Variants in PLAA observed in about 807,000 individuals in gnomAD.
PLAA encodes the protein phospholipase A-2-activating protein.
PLAA carries 48 observed loss-of-function variants against 84.1 expected under a neutral mutation model. The observed-to-expected ratio is 0.57, with a 90% CI of 0.45 to 0.73. PLAA has a LOEUF of 0.73. Ranked by LOEUF, PLAA falls within the 30% of genes least tolerant of loss-of-function variation. The pLI is 0.00. For synonymous variants in PLAA, 392 were observed against 336.6 expected, an observed-to-expected ratio of 1.16 and a Z score of -1.80; for missense variants, 903 against 954.7, an observed-to-expected ratio of 0.95 and a Z score of 0.71.
rs925961090 is a variant in PLAA, at chr9:26,906,079, A to G, written c.1823-3T>C. The G allele has an allele frequency of 2.1e-6, 3 of 1,458,846 alleles. No individual in the cohort carries two copies. The highest frequency in any genetic ancestry group is 1.4e-5 in the African/African-American group (1 of 70,288). 90.4% of individuals were successfully genotyped at this position (1,458,846 alleles called of 1,614,324 possible). On this transcript the variant is annotated splice_polypyrimidine_tract_variant and splice_region_variant and intron_variant, in intron 13 of 13. Coordinates refer to ENST00000397292, the MANE Select transcript of PLAA (RefSeq NM_001031689.3). Reference sequence around the variant, plus strand: ...GTCAAGTGCAGGAAAGACAATATCTATTAAAAAAAAAAAGTCATTAATGCT... The same window carrying G: ...GTCAAGTGCAGGAAAGACAATATCTGTTAAAAAAAAAAAGTCATTAATGCT...
chr9:26,933,278 AC>A (rs997882108), intron 2 of PLAA, among the ~76,000 whole-genome samples: 1 of 147,160 alleles, frequency 6.8e-6, no homozygotes, highest in Admixed American at 6.8e-5. Context: ...AAAAAAAAAA[AC>A]CATAAAAAAG....
intron 2 of PLAA, among the ~76,000 whole-genome samples, chr9:26,933,728 G>A (rs1825262793): frequency 6.8e-6 from 1 of 146,112 alleles, no homozygotes; most frequent in African/African-American, 2.5e-5. Context: ...GGCAGAGCTT[G>A]CAGTGAGCCG....
chr9:26,946,264 T>C (rs564179287), intron 1 of PLAA, among the ~76,000 whole-genome samples: 2 of 150,962 alleles, frequency 1.3e-5, no homozygotes, highest in East Asian at 3.9e-4. Context: ...TCCTAACCTT[T>C]TTCTTCTTTT....
intron 2 of PLAA, among the ~76,000 whole-genome samples, chr9:26,929,091 T>G (rs372431302): frequency 2.0e-5 from 3 of 151,948 alleles, no homozygotes; most frequent in Non-Finnish European, 4.4e-5. Flanking sequence ...CCCAGCTACT[T>G]GGAAGGCTGA....
Position 26,905,505 on chromosome 9 carries a change from C to T in PLAA, c.*6G>A, listed in dbSNP as rs1824199547. The T allele has an allele frequency of 2.5e-6, 4 of 1,591,446 alleles. No homozygotes were observed. The South Asian group carries it at 3.4e-5, about 14-fold the overall frequency. On this transcript the variant is annotated 3_prime_UTR_variant, in exon 14 of 14. Transcript: ENST00000397292. The stretch of plus-strand genomic sequence containing the variant: ...AATTAAAAATATCCGTCCCTCTTCC[C>T]CACTGCTACAGCAAATTTAGGATAA...
intron 1 of PLAA, among the ~76,000 whole-genome samples, chr9:26,944,043 T>C (rs572906446): frequency 6.6e-6 from 1 of 152,292 alleles, no homozygotes; most frequent in Admixed American, 6.5e-5. Context: ...AATGCAACCA[T>C]GTTGAGAAGT....
At chr9:26,912,486 C>T (rs767655440) in intron 11 of PLAA, among the ~76,000 whole-genome samples, 7 of 152,082 alleles carry the variant, frequency 4.6e-5, no homozygotes, top group Admixed American at 6.6e-5. Flanking sequence ...TATGGATCAT[C>T]GAGAGACCAA....
rs552917067 is a variant in PLAA, at chr9:26,917,988, C to T, written c.1418-823G>A. ...ACAATCTGTGTTCACTCTTGAACTA[C>T]AGTCTGAAATTCCAACAACAAAAAT... On this transcript the variant is annotated intron_variant, in intron 9 of 13. Transcript: ENST00000397292. 9.8e-5 allele frequency among the ~76,000 whole-genome samples: 15 copies of T among 152,328 alleles called. 1 individual carries two copies. In the South Asian group the frequency reaches 2.9e-3, roughly 29 times the overall value.
intron 1 of PLAA, among the ~76,000 whole-genome samples, chr9:26,939,503 A>C (rs911578739): frequency 2.7e-5 from 4 of 148,400 alleles, no homozygotes; most frequent in African/African-American, 7.5e-5. Flanking sequence ...AAAAAAAAAA[A>C]ACCAAACAAA....
At chr9:26,921,040 C>T (rs1156987106) in intron 7 of PLAA, among the ~76,000 whole-genome samples, 1 of 152,008 alleles carries the variant, frequency 6.6e-6, no homozygotes, top group Non-Finnish European at 1.5e-5. Context: ...TGGTAAAAGC[C>T]TAAACTCTTG....
chr9:26,937,164 G>C (rs952709740), intron 1 of PLAA, among the ~76,000 whole-genome samples: 4 of 151,954 alleles, frequency 2.6e-5, no homozygotes, highest in African/African-American at 7.2e-5. Flanking sequence ...AAAAAAGGCT[G>C]ATGTCCATTC....
chr9:26,921,808 T>C (rs913489978), intron 7 of PLAA, among the ~76,000 whole-genome samples: 3 of 152,224 alleles, frequency 2.0e-5, no homozygotes, highest in East Asian at 1.9e-4. Flanking sequence ...CAGTTTATTA[T>C]TCAATATTAA....
chr9:26,906,649 A>G (rs1824246444), intron 13 of PLAA, among the ~76,000 whole-genome samples: 1 of 151,982 alleles, frequency 6.6e-6, no homozygotes, highest in Non-Finnish European at 1.5e-5. Context: ...GCTGGTCTCA[A>G]ACTCCTGACT....
chr9:26,906,131 A>T, intron 13 of PLAA, 55 bp from the exon 14 acceptor site: 1 of 1,178,282 alleles, frequency 8.5e-7, no homozygotes. Flanking sequence ...ATTTCTTTTG[A>T]CTATCGACTT....
At position 26,928,295 on chromosome 9, in the gene PLAA, A is replaced by G; in HGVS notation, c.444+13T>C. ...TAATTATTCTTTAGAATATTTACAC[A>G]GAACTACTGTACCTGCAAGGTCATC... is the stretch of plus-strand genomic sequence containing the variant. On this transcript the variant is annotated intron_variant, in intron 3 of 13. Coordinates refer to ENST00000397292, the MANE Select transcript of PLAA (RefSeq NM_001031689.3). 6.2e-7 allele frequency: 1 copy of G among 1,613,576 alleles called. No homozygotes were observed. Among genetic ancestry groups the G allele is most frequent in the Non-Finnish European group, 8.5e-7 (1 of 1,179,462 alleles).
At chr9:26,934,547 T>A (rs1330917149) in intron 2 of PLAA, among the ~76,000 whole-genome samples, 2 of 147,054 alleles carry the variant, frequency 1.4e-5, no homozygotes, top group Non-Finnish European at 3.0e-5. Context: ...TGGCAGGATC[T>A]CGGCTCATTG....
intron 7 of PLAA, among the ~76,000 whole-genome samples, chr9:26,921,162 A>C (rs1177200757): frequency 4.6e-5 from 7 of 152,128 alleles, no homozygotes; most frequent in Non-Finnish European, 1.0e-4. Context: ...CCTTTGTATT[A>C]GCTGTTTATT....
chr9:26,926,113 C>A (rs574994668), intron 5 of PLAA, among the ~76,000 whole-genome samples, 153 bp from the exon 6 acceptor site: 1 of 152,292 alleles, frequency 6.6e-6, no homozygotes, highest in South Asian at 2.1e-4. Flanking sequence ...ACATATACAA[C>A]TTCAAAATCA....
chr9:26,928,772 T>G (rs1825066440), intron 2 of PLAA, among the ~76,000 whole-genome samples: 1 of 152,254 alleles, frequency 6.6e-6, no homozygotes, highest in Non-Finnish European at 1.5e-5. Context: ...ACTGTTTATA[T>G]AAATATTTAA....
Sources: gnomAD v4.1 joint callset for allele counts (sites outside exome capture counted in the v4.1 genomes callset) on GRCh38, gnomAD v4.1.1 for gene constraint, MANE v1.5 for transcripts, NCBI Gene and HGNC (gene_info 2026-07-23, HGNC 2026-07-21) for gene names.